Variants in ARSJ observed in about 807,000 individuals in gnomAD.
The protein encoded by ARSJ is arylsulfatase J.
A neutral mutation model predicts 35.9 loss-of-function variants in ARSJ; 26 were observed. The ratio of observed to expected loss-of-function variants is 0.72; its 90% confidence interval spans 0.53 to 1.00. The LOEUF (loss-of-function observed/expected upper bound fraction) is 1.00. Ranked by LOEUF, ARSJ falls within the 50% of genes least tolerant of loss-of-function variation. ARSJ has a pLI of 0.00. For missense variants in ARSJ, 667 were observed against 723.6 expected (o/e 0.92, Z 0.90); for synonymous variants, 294 against 267.6 (o/e 1.10, Z -0.96).
chr4:113,964,162 T>C (rs1726743637), intron 1 of ARSJ, among the ~76,000 whole-genome samples: 3 of 152,070 alleles, frequency 2.0e-5, no homozygotes, highest in Admixed American at 2.0e-4. Context: ...GTGAATTATC[T>C]AGCTAAGATG....
At chr4:113,963,987 G>A (rs1175487742) in intron 1 of ARSJ, among the ~76,000 whole-genome samples, 4 of 150,908 alleles carry the variant, frequency 2.7e-5, no homozygotes, top group Non-Finnish European at 5.9e-5. Context: ...CTTTTTTTTT[G>A]TTTTATTATT....
chr4:113,967,503 C>T (rs747785891), intron 1 of ARSJ, among the ~76,000 whole-genome samples: 3 of 151,858 alleles, frequency 2.0e-5, no homozygotes, highest in African/African-American at 7.3e-5. Flanking sequence ...TTTTAAGTTC[C>T]TACTACTCTC....
chr4:113,917,279 C>T (rs964589439), intron 1 of ARSJ, among the ~76,000 whole-genome samples: 9 of 152,100 alleles, frequency 5.9e-5, no homozygotes, highest in African/African-American at 2.2e-4. Flanking sequence ...GTATGCCTTG[C>T]CTGCCACCTC....
chr4:113,923,990 T>A (rs2149260141), intron 1 of ARSJ, among the ~76,000 whole-genome samples: 1 of 145,794 alleles, frequency 6.9e-6, no homozygotes, highest in East Asian at 2.0e-4. Context: ...GATAGTATAA[T>A]AATAAATAGA....
Position 113,903,350 on chromosome 4 carries a change from A to G in ARSJ, c.724T>C (p.Tyr242His), listed in dbSNP as rs780169646. ...YDNGIYSTQMYTQRVQQILAS... is the reference protein window; with the variant it reads ...YDNGIYSTQMHTQRVQQILAS... ...AAGATTTGCTGTACTCTCTGAGTGT[A>G]CATCTGTGTGGAGTATATGCCATTG... Residue 242 changes from tyrosine to histidine, a missense_variant, in exon 2 of 2, where the codon TAC becomes CAC. Physicochemically the swap from Tyr to His is moderately conservative, Grantham distance 83. Coordinates refer to ENST00000315366, the MANE Select transcript of ARSJ (RefSeq NM_024590.4). 3.1e-6 allele frequency: 5 copies of G among 1,614,190 alleles called. No individual in the cohort carries two copies. Among genetic ancestry groups the G allele is most frequent in the Non-Finnish European group, 4.2e-6 (5 of 1,180,036 alleles).
chr4:113,902,781 AT>A lies in ARSJ; in HGVS notation c.1292del (p.Asn431MetfsTer86), dbSNP rs1562327720. On this transcript the variant is annotated frameshift_variant, in exon 2 of 2. Transcript: ENST00000315366. LOFTEE classifies it high-confidence loss of function. ...TCCCATAGCCTGCTGCCCAGGAGCC[AT>A]TTTTTGCCTTGGTGTATATGGGGTC... ...NIDPIYTKAK[N>X]GSWAAGYGIW... 6.2e-7 allele frequency: 1 copy of A among 1,614,132 alleles called. No homozygotes were observed. Among genetic ancestry groups the A allele is most frequent in the Non-Finnish European group, 8.5e-7 (1 of 1,180,016 alleles).
chr4:113,951,692 G>A (rs1272595199), intron 1 of ARSJ, among the ~76,000 whole-genome samples: 6 of 151,976 alleles, frequency 3.9e-5, no homozygotes, highest in African/African-American at 7.2e-5. Context: ...GTTTCTTGAC[G>A]CCTTCTCTCA....
intron 1 of ARSJ, chr4:113,944,227 T>C (rs1041895682): frequency 6.6e-6 from 1 of 152,024 alleles, no homozygotes; most frequent in Non-Finnish European, 1.5e-5. Flanking sequence ...TTTATGAATC[T>C]GTATGGATCT....
intron 1 of ARSJ, among the ~76,000 whole-genome samples, chr4:113,920,539 A>C (rs899182018): frequency 2.0e-5 from 3 of 152,178 alleles, no homozygotes; most frequent in Non-Finnish European, 4.4e-5. Context: ...AGGGGGTTTC[A>C]GTTCTAACAT....
At chr4:113,940,431 C>A (rs752597396) in intron 1 of ARSJ, among the ~76,000 whole-genome samples, 32 of 151,938 alleles carry the variant, frequency 2.1e-4, no homozygotes, top group Non-Finnish European at 3.8e-4. Context: ...CAAGTGGGAG[C>A]TGAACAATAG....
intron 1 of ARSJ, among the ~76,000 whole-genome samples, chr4:113,935,025 G>C (rs1015690400): frequency 1.3e-5 from 2 of 151,768 alleles, no homozygotes; most frequent in Admixed American, 6.6e-5. Flanking sequence ...TTAGCCTAAA[G>C]TATATACTAT....
chr4:113,940,493 T>C (rs1344762842), intron 1 of ARSJ, among the ~76,000 whole-genome samples: 3 of 150,758 alleles, frequency 2.0e-5, no homozygotes, highest in Non-Finnish European at 4.4e-5. Flanking sequence ...CTATAGGGAG[T>C]GGGCGGTCGG....
At chr4:113,957,682 C>T (rs758566137) in intron 1 of ARSJ, among the ~76,000 whole-genome samples, 1 of 152,174 alleles carries the variant, frequency 6.6e-6, no homozygotes, top group Admixed American at 6.5e-5. Flanking sequence ...GTATTGAACA[C>T]AATGATTTTC....
chr4:113,920,829 G>C (rs1157929409), intron 1 of ARSJ, among the ~76,000 whole-genome samples: 4 of 152,004 alleles, frequency 2.6e-5, no homozygotes, highest in Admixed American at 1.3e-4. Flanking sequence ...AGTTTTAGAA[G>C]TTTTAAGTAT....
chr4:113,942,631 G>A (rs191335941), intron 1 of ARSJ, among the ~76,000 whole-genome samples: 7 of 152,152 alleles, frequency 4.6e-5, no homozygotes, highest in Middle Eastern at 3.4e-3. Context: ...AACTTGGAAT[G>A]TTCTTCAATT....
chr4:113,956,484 C>T (rs759081868), intron 1 of ARSJ, among the ~76,000 whole-genome samples: 7 of 151,906 alleles, frequency 4.6e-5, no homozygotes, highest in Non-Finnish European at 1.0e-4. Flanking sequence ...CATATAATGC[C>T]AAATACTTGG....
Position 113,949,183 on chromosome 4 carries a change from C to T in ARSJ, c.398+29254G>A, listed in dbSNP as rs1252885511. ...GGGAGGGGAACATAACAGGGGGTTG[C>T]GGGTGGGGTGAGGGGCTAGGGGAGG... On this transcript the variant is annotated intron_variant, in intron 1 of 1. Coordinates refer to ENST00000315366, the MANE Select transcript of ARSJ (RefSeq NM_024590.4). 4.2e-5 allele frequency among the ~76,000 whole-genome samples: 5 copies of T among 120,462 alleles called. No homozygotes were observed. The South Asian group carries it at 9.1e-4, about 22-fold the overall frequency. The allele number at this position is 120,462 out of a possible 152,430, so 79.0% of individuals were successfully genotyped here. A position where few individuals can be genotyped will look rare whatever the true frequency, so the allele number is the denominator to read the frequency against.
In ARSJ at chr4:113,908,488, T is replaced by A. The variant is rs2099669446; in HGVS notation, c.399-4813A>T. ...AAAAATCCATTTTTTACACGTCAGC[T>A]ATATAAGACTACATAAATGGATCTG... On this transcript the variant is annotated intron_variant, in intron 1 of 1. Coordinates refer to ENST00000315366, the MANE Select transcript of ARSJ (RefSeq NM_024590.4). Among the ~76,000 whole-genome samples the A allele has an allele frequency of 3.9e-5, 6 of 152,346 alleles. No individual in the cohort carries two copies. The South Asian group carries it at 1.2e-3, about 32-fold the overall frequency.
chr4:113,972,295 AAAAAAAAAAAAC>A (rs1248801155), intron 1 of ARSJ, among the ~76,000 whole-genome samples: 20 of 136,664 alleles, frequency 1.5e-4, no homozygotes, highest in African/African-American at 4.9e-4. Flanking sequence ...ATGATCTGGA[AAAAAAAAAAAAC>A]AAAAAAAAAA....
Sources: allele counts gnomAD v4.1 joint callset (sites outside exome capture counted in the v4.1 genomes callset), GRCh38; gene constraint gnomAD v4.1.1; transcripts MANE v1.5; gene names NCBI Gene and HGNC (gene_info 2026-07-23, HGNC 2026-07-21).